The following LYPLAL1 variants were observed in gnomAD, a reference collection of about 807,000 sequenced individuals.
LYPLAL1 encodes the protein lysophospholipase like 1.
LYPLAL1 carries 23 observed loss-of-function variants against 19.7 expected under a neutral mutation model. The observed-to-expected ratio is 1.17, with a 90% CI of 0.84 to 1.65. The LOEUF is 1.65. LYPLAL1 is among the 40% of genes most tolerant of loss of function. LYPLAL1 has a pLI of 0.00. For synonymous variants in LYPLAL1, 119 were observed against 96.3 expected (o/e 1.24, Z -1.38); for missense variants, 355 against 279.4 (o/e 1.27, Z -1.93).
the LYPLAL1 span, among the ~76,000 whole-genome samples, chr1:219,308,990 C>T: frequency 6.6e-6 from 1 of 152,178 alleles, no homozygotes; most frequent in Non-Finnish European, 1.5e-5. Flanking sequence ...GCCTGTGAAA[C>T]CAGCCAGGAG....
At chr1:219,331,311 G>A in the LYPLAL1 span, among the ~76,000 whole-genome samples, 2 of 152,116 alleles carry the variant, frequency 1.3e-5, no homozygotes, top group Non-Finnish European at 2.9e-5. Flanking sequence ...CCACAATAAT[G>A]TCGCATAATA....
chr1:219,376,512 A>T, the LYPLAL1 span, among the ~76,000 whole-genome samples: 3 of 152,348 alleles, frequency 2.0e-5, no homozygotes, highest in South Asian at 6.2e-4. Flanking sequence ...ATTGAAAGAT[A>T]CTATCAACAG....
chr1:219,176,655 A>G (rs141920866), intron 1 of LYPLAL1, among the ~76,000 whole-genome samples: 160 of 152,314 alleles, frequency 1.1e-3, no homozygotes, highest in African/African-American at 3.7e-3. Flanking sequence ...ATTTGGTCCA[A>G]GGTCTTTTCA....
At chr1:219,207,362 G>A (rs1216841962) in intron 3 of LYPLAL1, among the ~76,000 whole-genome samples, 1 of 151,944 alleles carries the variant, frequency 6.6e-6, no homozygotes, top group African/African-American at 2.4e-5. Context: ...TTTGTTAGTG[G>A]GTCTGGGATT....
chr1:219,417,367 T>C, the LYPLAL1 span, among the ~76,000 whole-genome samples: 1 of 152,156 alleles, frequency 6.6e-6, no homozygotes, highest in Admixed American at 6.5e-5. Flanking sequence ...TGAAAAACAG[T>C]CTATGTTAAA....
At chr1:219,437,551 A>C in the LYPLAL1 span, among the ~76,000 whole-genome samples, 5 of 151,758 alleles carry the variant, frequency 3.3e-5, no homozygotes, top group Admixed American at 1.3e-4. Context: ...AATAGGAGGG[A>C]TCTCACATAG....
the LYPLAL1 span, among the ~76,000 whole-genome samples, chr1:219,243,489 A>G: frequency 6.6e-6 from 1 of 152,134 alleles, no homozygotes; most frequent in African/African-American, 2.4e-5. Context: ...AGGAAGAAAT[A>G]TTTCCTTAGG....
chr1:219,327,656 C>G, the LYPLAL1 span, among the ~76,000 whole-genome samples: 1 of 152,050 alleles, frequency 6.6e-6, no homozygotes, highest in South Asian at 2.1e-4. Context: ...TGGCTGTGTC[C>G]CCACTGAAAT....
At chr1:219,258,029 T>C in the LYPLAL1 span, among the ~76,000 whole-genome samples, 1 of 152,024 alleles carries the variant, frequency 6.6e-6, no homozygotes, top group Non-Finnish European at 1.5e-5. Context: ...CTTACATGTC[T>C]GTTTATAGGC....
At chr1:219,432,730 C>A in the LYPLAL1 span, among the ~76,000 whole-genome samples, 7 of 152,254 alleles carry the variant, frequency 4.6e-5, no homozygotes, top group East Asian at 1.2e-3. Flanking sequence ...TTTAGGGAGT[C>A]CACGTTCATA....
At chr1:219,424,807 C>T in the LYPLAL1 span, among the ~76,000 whole-genome samples, 47 of 152,104 alleles carry the variant, frequency 3.1e-4, no homozygotes, top group Non-Finnish European at 5.0e-4. Context: ...TGGACACATT[C>T]GAGATTTGCT....
At chr1:219,413,956 A>C in the LYPLAL1 span, among the ~76,000 whole-genome samples, 2 of 152,240 alleles carry the variant, frequency 1.3e-5, no homozygotes, top group African/African-American at 4.8e-5. Context: ...TTCTGCAAGC[A>C]AATACACTTG....
chr1:219,181,225 A>T (rs184400481), intron 2 of LYPLAL1, among the ~76,000 whole-genome samples: 1 of 152,312 alleles, frequency 6.6e-6, no homozygotes, highest in East Asian at 1.9e-4. Context: ...TGTACGACAC[A>T]TCTTACTTCT....
At chr1:219,353,921 T>A in the LYPLAL1 span, among the ~76,000 whole-genome samples, 1 of 151,980 alleles carries the variant, frequency 6.6e-6, no homozygotes, top group East Asian at 1.9e-4. Flanking sequence ...TAAAGAGACA[T>A]GGAAATTATA....
the LYPLAL1 span, among the ~76,000 whole-genome samples, chr1:219,363,035 C>T: frequency 2.0e-5 from 3 of 152,032 alleles, no homozygotes; most frequent in African/African-American, 7.2e-5. Context: ...CCGATTGTGC[C>T]TACACAATAC....
At chr1:219,291,223 G>A in the LYPLAL1 span, among the ~76,000 whole-genome samples, 5 of 152,226 alleles carry the variant, frequency 3.3e-5, no homozygotes, top group East Asian at 3.9e-4. Flanking sequence ...TAATATTTGC[G>A]TATTTATAAA....
the LYPLAL1 span, among the ~76,000 whole-genome samples, chr1:219,376,685 C>T: frequency 0.068 from 10,314 of 152,168 alleles, 496 homozygotes; most frequent in South Asian, 0.14. Flanking sequence ...AAAATACATG[C>T]AAATTGTCAA....
chr1:219,387,164 C>T, the LYPLAL1 span, among the ~76,000 whole-genome samples: 1 of 152,154 alleles, frequency 6.6e-6, no homozygotes, highest in African/African-American at 2.4e-5. Context: ...ATTTTACATT[C>T]TTTCCTGCCT....
At chr1:219,213,792 TG>T (rs1659190186), downstream of LYPLAL1, among the ~76,000 whole-genome samples, 1 of 152,124 alleles carries the variant, frequency 6.6e-6, no homozygotes, top group South Asian at 2.1e-4. Context: ...GGAGTTTTTC[TG>T]TAGATTTTTA....
Sources: gnomAD v4.1 joint callset for allele counts (sites outside exome capture counted in the v4.1 genomes callset) on GRCh38, gnomAD v4.1.1 for gene constraint, MANE v1.5 for transcripts, NCBI Gene and HGNC (gene_info 2026-07-23, HGNC 2026-07-21) for gene names.